Variants in HYCC2 observed in about 807,000 individuals in gnomAD.
HYCC2 encodes the protein hyccin 2.
At chr2:201,008,761 G>GTTTCCCTCT in the HYCC2 span, among the ~76,000 whole-genome samples, 1 of 152,128 alleles carries the variant, frequency 6.6e-6, no homozygotes, top group Non-Finnish European at 1.5e-5. Flanking sequence ...GGCCAGGCAT[G>GTTTCCCTCT]GTGGTGTACA....
the HYCC2 span, among the ~76,000 whole-genome samples, chr2:201,049,507 C>A: frequency 4.2e-4 from 63 of 151,706 alleles, no homozygotes; most frequent in Middle Eastern, 0.02. Context: ...CGTGCCACCA[C>A]CCCGGTTTTT....
chr2:201,064,555 T>C, the HYCC2 span, among the ~76,000 whole-genome samples: 1 of 152,148 alleles, frequency 6.6e-6, no homozygotes, highest in East Asian at 1.9e-4. Context: ...GTTGAACTGA[T>C]AGTTACTGTT....
the HYCC2 span, chr2:201,063,736 T>C: frequency 1.3e-6 from 2 of 1,584,644 alleles, no homozygotes; most frequent in Non-Finnish European, 1.7e-6. Context: ...ATGACAACTT[T>C]GGTCATGGAA....
At chr2:201,003,694 G>A in the HYCC2 span, among the ~76,000 whole-genome samples, 2 of 148,992 alleles carry the variant, frequency 1.3e-5, no homozygotes, top group Non-Finnish European at 3.0e-5. Flanking sequence ...GGGCGACAGA[G>A]CGAGACTCCA....
chr2:201,062,986 C>A, the HYCC2 span: 3 of 1,388,392 alleles, frequency 2.2e-6, no homozygotes, highest in Non-Finnish European at 3.0e-6. Context: ...TTAATAGCAG[C>A]TAACATTTAT....
the HYCC2 span, among the ~76,000 whole-genome samples, chr2:200,998,649 T>C: frequency 6.6e-6 from 1 of 152,246 alleles, no homozygotes; most frequent in Admixed American, 6.5e-5. Flanking sequence ...ACATTTATAA[T>C]GTCTAAGAAA....
chr2:201,024,023 C>G, the HYCC2 span: 4 of 1,607,968 alleles, frequency 2.5e-6, no homozygotes, highest in African/African-American at 4.0e-5. Flanking sequence ...CTTTTACCTT[C>G]TACTCCTCTT....
chr2:201,037,014 A>G, the HYCC2 span, among the ~76,000 whole-genome samples: 10 of 152,188 alleles, frequency 6.6e-5, no homozygotes, highest in African/African-American at 2.4e-4. Flanking sequence ...CTCTGCCCAA[A>G]ATCTCCTTAA....
the HYCC2 span, chr2:200,992,837 T>C: frequency 1.8e-6 from 2 of 1,129,132 alleles, no homozygotes; most frequent in Non-Finnish European, 2.7e-6. Flanking sequence ...ATATTCAAAG[T>C]TTCTAAACAT....
chr2:201,015,230 T>C, the HYCC2 span, among the ~76,000 whole-genome samples: 2 of 152,298 alleles, frequency 1.3e-5, 1 homozygote, highest in South Asian at 4.1e-4. Context: ...GCAACACAGA[T>C]GATCCCATGT....
At chr2:201,017,829 T>C in the HYCC2 span, among the ~76,000 whole-genome samples, 1 of 152,320 alleles carries the variant, frequency 6.6e-6, no homozygotes, top group Non-Finnish European at 1.5e-5. Flanking sequence ...GTGGAATCAG[T>C]TTTCATTGTA....
At chr2:201,051,506 G>C in the HYCC2 span, among the ~76,000 whole-genome samples, 2 of 152,104 alleles carry the variant, frequency 1.3e-5, no homozygotes, top group East Asian at 3.9e-4. Flanking sequence ...CTAAGTTTCT[G>C]AATATAAGGT....
At chr2:201,046,127 C>T in the HYCC2 span, among the ~76,000 whole-genome samples, 1 of 152,042 alleles carries the variant, frequency 6.6e-6, no homozygotes, top group African/African-American at 2.4e-5. Flanking sequence ...GAAAAGAACA[C>T]AAAAAATGCT....
chr2:201,005,960 A>G, the HYCC2 span, among the ~76,000 whole-genome samples: 1 of 151,760 alleles, frequency 6.6e-6, no homozygotes, highest in Non-Finnish European at 1.5e-5. Flanking sequence ...CAGCCTCCTG[A>G]GTAGCTGGGA....
the HYCC2 span, among the ~76,000 whole-genome samples, chr2:201,050,225 A>T: frequency 6.6e-6 from 1 of 151,794 alleles, no homozygotes; most frequent in Non-Finnish European, 1.5e-5. Context: ...AAAAAAAAAA[A>T]AATTCCCCCC....
At chr2:200,975,582 G>A in the HYCC2 span, 1 of 151,970 alleles carries the variant, frequency 6.6e-6, no homozygotes, top group Non-Finnish European at 1.5e-5. Flanking sequence ...ATCTGAATAT[G>A]CCTTAATTTG....
the HYCC2 span, chr2:201,045,657 G>C: frequency 2.5e-6 from 1 of 395,476 alleles, no homozygotes; most frequent in Non-Finnish European, 4.5e-6. Context: ...GTAATACAAA[G>C]AACAGTTTTG....
At chr2:201,002,886 C>G in the HYCC2 span, among the ~76,000 whole-genome samples, 1 of 152,106 alleles carries the variant, frequency 6.6e-6, no homozygotes, top group African/African-American at 2.4e-5. Context: ...TTTTCGTGCT[C>G]TCACGCAAAT....
At chr2:200,997,686 C>G in the HYCC2 span, 1 of 580,588 alleles carries the variant, frequency 1.7e-6, no homozygotes. Context: ...TGTTTATATT[C>G]TCCTTATTAC....
Sources: allele counts gnomAD v4.1 joint callset (sites outside exome capture counted in the v4.1 genomes callset), GRCh38; gene constraint gnomAD v4.1.1; transcripts MANE v1.5; gene names NCBI Gene and HGNC (gene_info 2026-07-23, HGNC 2026-07-21).